AKAP6: variants seen among roughly 807,000 people sequenced by gnomAD.
AKAP6 encodes A-kinase anchoring protein 6.
AKAP6 carries 58 observed loss-of-function variants against 188.5 expected under a neutral mutation model. The ratio of observed to expected loss-of-function variants is 0.31; its 90% CI spans 0.25 to 0.38. The LOEUF is 0.38. Among genes scored for constraint, AKAP6 ranks in the 10% least tolerant of loss-of-function variants. The pLI is 1.00. For missense variants in AKAP6, 2,710 were observed against 2,740.0 expected (o/e 0.99, Z 0.24); for synonymous variants, 989 against 998.6 (o/e 0.99, Z 0.18).
rs748486362 is a variant in AKAP6, at chr14:32,546,134, G to T, written c.1481G>T (p.Arg494Leu). The T allele has an allele frequency of 2.5e-6, 4 of 1,613,718 alleles. No individual in the cohort carries two copies. Among genetic ancestry groups the T allele is most frequent in the Admixed American group, 3.3e-5 (2 of 59,922 alleles). Reference protein sequence around the residue: ...RLNDCYKEKSRLKKPHKTSEE... With the variant: ...RLNDCYKEKSLLKKPHKTSEE... ...AACGACTGCTATAAAGAGAAATCTC[G>T]ACTTAAAAAGCCACACAAGACCTCA... Residue 494 changes from arginine (R) to leucine (L), a missense_variant, in exon 4 of 14, where the codon CGA becomes CTA. Physicochemically the swap from Arg to Leu is moderately radical, Grantham distance 102. Transcript: ENST00000280979.
intron 5 of AKAP6, among the ~76,000 whole-genome samples, chr14:32,590,777 G>A (rs975249464): frequency 1.3e-5 from 2 of 152,186 alleles, no homozygotes; most frequent in African/African-American, 4.8e-5. Context: ...CAGATAAAAT[G>A]TTAACTCCGA....
At chr14:32,387,863 G>C (rs1156272066) in intron 1 of AKAP6, among the ~76,000 whole-genome samples, 1 of 150,892 alleles carries the variant, frequency 6.6e-6, no homozygotes, top group Non-Finnish European at 1.5e-5. Flanking sequence ...TGGCTTCATA[G>C]AATGATTTAG....
At chr14:32,342,723 ACT>A (rs1200305263) in intron 1 of AKAP6, among the ~76,000 whole-genome samples, 5 of 151,932 alleles carry the variant, frequency 3.3e-5, no homozygotes, top group Non-Finnish European at 2.9e-5. Context: ...CTGGATGGAG[ACT>A]CTACTGAACA....
intron 2 of AKAP6, among the ~76,000 whole-genome samples, chr14:32,534,238 C>A (rs1229885527): frequency 6.6e-6 from 1 of 152,102 alleles, no homozygotes; most frequent in Non-Finnish European, 1.5e-5. Context: ...GCTCAGAACT[C>A]AAATGCTATC....
rs368380733 is a variant in AKAP6 at position 32,770,253 on chromosome 14, AAGAC to A, written c.3373-3421_3373-3418del. ...CGGAGATCATTATAAAGGGGGAAAA[AAGAC>A]AGATAATGACCTCCATTCTAACAGA... On this transcript the variant is annotated intron_variant, in intron 11 of 13. Coordinates refer to ENST00000280979, the MANE Select transcript of AKAP6 (RefSeq NM_004274.5). Among the ~76,000 whole-genome samples the A allele has an allele frequency of 3.5e-3, 530 of 152,318 alleles. 1 individual carries two copies. The highest frequency in any genetic ancestry group is 0.012 in the African/African-American group (494 of 41,582).
chr14:32,454,591 A>G (rs1891055733), intron 2 of AKAP6, among the ~76,000 whole-genome samples: 1 of 152,012 alleles, frequency 6.6e-6, no homozygotes, highest in East Asian at 1.9e-4. Context: ...GCAGACCAGC[A>G]GGAAGATAAA....
intron 1 of AKAP6, among the ~76,000 whole-genome samples, chr14:32,374,634 C>T (rs566035884): frequency 1.3e-5 from 2 of 152,202 alleles, no homozygotes; most frequent in African/African-American, 2.4e-5. Context: ...AGTTTTACTC[C>T]TCCTTCCCCA....
At chr14:32,660,210 A>G (rs537621136) in intron 7 of AKAP6, among the ~76,000 whole-genome samples, 37 of 152,256 alleles carry the variant, frequency 2.4e-4, no homozygotes, top group African/African-American at 8.7e-4. Context: ...AGTAGATGGA[A>G]TAAATGCAAC....
chr14:32,545,669 C>G lies in AKAP6; in HGVS notation c.1016C>G (p.Pro339Arg), dbSNP rs1388180485. 3.1e-6 allele frequency: 5 copies of G among 1,614,152 alleles called. No individual in the cohort carries two copies. Among genetic ancestry groups the G allele is most frequent in the East Asian group, 2.2e-5 (1 of 44,878 alleles). ...SGEALTNAAQPSSETVQQESS... is the reference protein window; with the variant it reads ...SGEALTNAAQRSSETVQQESS... ...GAAGCTCTGACAAATGCTGCTCAACCCTCCTCTGAGACTGTGCAGCAAGAA... is the reference window on the plus strand; with the variant it reads ...GAAGCTCTGACAAATGCTGCTCAACGCTCCTCTGAGACTGTGCAGCAAGAA... Residue 339 changes from proline to arginine, a missense_variant, in exon 4 of 14, where the codon CCC becomes CGC. This residue lies in a region of AKAP6 where 2,473 missense variants were observed against 2,426.1 expected (regional missense o/e 1.02). Coordinates refer to ENST00000280979, the MANE Select transcript of AKAP6 (RefSeq NM_004274.5).
At chr14:32,455,451 T>C (rs771668815) in intron 2 of AKAP6, among the ~76,000 whole-genome samples, 2 of 152,230 alleles carry the variant, frequency 1.3e-5, no homozygotes, top group Non-Finnish European at 2.9e-5. Context: ...TTAAATTGTT[T>C]TCTTTCTTTT....
intron 1 of AKAP6, among the ~76,000 whole-genome samples, chr14:32,339,718 C>T (rs1886832069): frequency 1.3e-5 from 2 of 152,122 alleles, no homozygotes; most frequent in Non-Finnish European, 2.9e-5. Flanking sequence ...TGACAGTCAG[C>T]CCTTCTCTGT....
At chr14:32,754,234 C>G (rs544438549) in intron 11 of AKAP6, among the ~76,000 whole-genome samples, 1 of 151,944 alleles carries the variant, frequency 6.6e-6, no homozygotes, top group Non-Finnish European at 1.5e-5. Context: ...GATGAATTTA[C>G]GCCTTTATCA....
intron 9 of AKAP6, among the ~76,000 whole-genome samples, chr14:32,698,267 A>G (rs918943361): frequency 2.0e-5 from 3 of 152,120 alleles, no homozygotes; most frequent in African/African-American, 7.2e-5. Context: ...GGTTAAGTCA[A>G]CATTTTCAAT....
chr14:32,465,525 T>C (rs1878360189), intron 2 of AKAP6, among the ~76,000 whole-genome samples: 1 of 152,188 alleles, frequency 6.6e-6, no homozygotes, highest in South Asian at 2.1e-4. Context: ...TTGGGAAAAC[T>C]GGCTAGCCAT....
intron 7 of AKAP6, among the ~76,000 whole-genome samples, chr14:32,624,926 AG>A (rs1299111419): frequency 6.6e-6 from 1 of 152,114 alleles, no homozygotes; most frequent in Non-Finnish European, 1.5e-5. Flanking sequence ...ATATTTATGA[AG>A]GGTTTGTGTG....
intron 7 of AKAP6, among the ~76,000 whole-genome samples, chr14:32,627,559 C>G (rs1347607762): frequency 6.6e-6 from 1 of 152,084 alleles, no homozygotes; most frequent in Non-Finnish European, 1.5e-5. Context: ...GAGAATTTCT[C>G]AGTCTTCTCA....
intron 11 of AKAP6, among the ~76,000 whole-genome samples, chr14:32,769,317 G>T (rs2032825539): frequency 6.6e-6 from 1 of 151,706 alleles, no homozygotes; most frequent in Non-Finnish European, 1.5e-5. Flanking sequence ...CACAGTGCTG[G>T]GATTACAGAT....
intron 2 of AKAP6, among the ~76,000 whole-genome samples, chr14:32,503,349 A>AT (rs1880700471): frequency 6.6e-6 from 1 of 151,572 alleles, no homozygotes; most frequent in South Asian, 2.1e-4. Flanking sequence ...AAGCTGCAAT[A>AT]TTTTTTCTAC....
chr14:32,737,049 T>G (rs1010866235), intron 11 of AKAP6, among the ~76,000 whole-genome samples: 4 of 152,156 alleles, frequency 2.6e-5, no homozygotes, highest in Non-Finnish European at 5.9e-5. Flanking sequence ...CCCAGGTGAT[T>G]TGCTGTTTTA....
Sources: allele counts gnomAD v4.1 joint callset (sites outside exome capture counted in the v4.1 genomes callset), GRCh38; gene constraint gnomAD v4.1.1; regional missense constraint gnomAD v4.1.1; transcripts MANE v1.5; gene names NCBI Gene and HGNC (gene_info 2026-07-23, HGNC 2026-07-21).